CPXM2: variants seen among roughly 807,000 people sequenced by gnomAD.
CPXM2 encodes carboxypeptidase X, M14 family member 2, also known as inactive carboxypeptidase-like protein X2.
Under a neutral mutation model 86.1 loss-of-function variants are expected in CPXM2, and 66 were observed. That is an observed-to-expected ratio of 0.77 (90% confidence interval 0.63 to 0.94). CPXM2 has a LOEUF of 0.94. Among genes scored for constraint, CPXM2 ranks in the 40% least tolerant of loss-of-function variants. The pLI, the probability that CPXM2 is intolerant of heterozygous loss-of-function variation, is 0.00. For synonymous variants in CPXM2, 388 were observed against 400.2 expected (o/e 0.97, Z 0.36); for missense variants, 948 against 1,026.3 (o/e 0.92, Z 1.04).
chr10:123,891,666 TC>T lies in CPXM2; in HGVS notation c.-8del, dbSNP rs567021693. The T allele has an allele frequency of 3.4e-4, 467 of 1,386,776 alleles. 2 individuals carry two copies. In the African/African-American group the frequency reaches 6.5e-3, roughly 19 times the overall value. The allele number at this position is 1,386,776 out of a possible 1,614,324, so 85.9% of individuals were successfully genotyped here. On this transcript the variant is annotated 5_prime_UTR_variant, in exon 1 of 14. Transcript: ENST00000241305. The surrounding 1 kb of genome is among the most constrained non-coding windows in gnomAD (Gnocchi z 5.6). ...CGGTCCCCGGGCGGGACATGCCTGC[TC>T]CGCCCCGCGCCCAGGGCAGGGTCAC...
chr10:123,761,982 G>A lies in CPXM2; in HGVS notation c.1667C>T (p.Ala556Val). ...HVFRWLAYSY[A>V]STHRLMTDAR... ...GTCTGTCATGAGGCGGTGTGTGGAG[G>A]CATAGGAGTAGGCCAGCCAGCGGAA... The change falls in exon 11 of 14, where the codon GCC becomes GTC. Residue 556 changes from alanine (A) to valine (V), a missense_variant. Physicochemically the swap from Ala to Val is moderately conservative, Grantham distance 64. Transcript: ENST00000241305. 6.2e-7 allele frequency: 1 copy of A among 1,613,838 alleles called. No individual in the cohort carries two copies. The highest frequency in any genetic ancestry group is 8.5e-7 in the Non-Finnish European group (1 of 1,179,834).
intron 4 of CPXM2, among the ~76,000 whole-genome samples, chr10:123,814,842 A>G (rs565127171): frequency 1.5e-3 from 224 of 152,122 alleles, no homozygotes; most frequent in Admixed American, 3.9e-3. Flanking sequence ...TGGCCAACAT[A>G]GCAAAACCCC....
chr10:123,793,895 C>CA (rs1847265199), intron 6 of CPXM2, among the ~76,000 whole-genome samples: 1 of 152,210 alleles, frequency 6.6e-6, no homozygotes, highest in Admixed American at 6.5e-5. Flanking sequence ...CATGGTGACC[C>CA]AACAGAGCAA....
chr10:123,915,528 A>C (rs1172637795), intron 2 of CPXM2, among the ~76,000 whole-genome samples: 1 of 152,040 alleles, frequency 6.6e-6, no homozygotes, highest in Non-Finnish European at 1.5e-5. Context: ...ACTGCAGTAC[A>C]GCCTGGGCAA....
intron 4 of CPXM2, among the ~76,000 whole-genome samples, chr10:123,803,450 C>G (rs557722787): frequency 6.6e-6 from 1 of 151,930 alleles, no homozygotes; most frequent in African/African-American, 2.4e-5. Flanking sequence ...TTAATATAAT[C>G]CAATCTTAGC....
rs34482126 is a variant in CPXM2 at position 123,867,527 on chromosome 10, CTTTTT to C, written c.404-4809_404-4805del. On this transcript the variant is annotated intron_variant, in intron 2 of 13. Coordinates refer to ENST00000241305, the MANE Select transcript of CPXM2 (RefSeq NM_198148.3). ...AGAGCGTCATCCTAGAGATTTCTTT[CTTTTT>C]TTTTTTTTTTTTTTTTTTGAGAAGG... Among the ~76,000 whole-genome samples the C allele has an allele frequency of 1.6e-4, 15 of 92,924 alleles. 1 individual carries two copies. The highest frequency in any genetic ancestry group is 5.5e-4 in the African/African-American group (13 of 23,788). 61.0% of individuals were successfully genotyped at this position (92,924 alleles called of 152,430 possible).
At chr10:123,888,326 T>A (rs1039130505) in intron 1 of CPXM2, among the ~76,000 whole-genome samples, 5 of 152,216 alleles carry the variant, frequency 3.3e-5, no homozygotes, top group Admixed American at 3.3e-4. Flanking sequence ...TTTTAATTAG[T>A]TATATATGCT....
At chr10:123,859,118 CA>C (rs1206791070) in intron 3 of CPXM2, among the ~76,000 whole-genome samples, 4 of 152,348 alleles carry the variant, frequency 2.6e-5, no homozygotes, top group Admixed American at 2.6e-4. Flanking sequence ...TAGGCCGGCA[CA>C]GCGCTAGGCT....
At chr10:123,802,539 T>C (rs1040424367) in intron 4 of CPXM2, among the ~76,000 whole-genome samples, 3 of 152,366 alleles carry the variant, frequency 2.0e-5, no homozygotes, top group African/African-American at 7.2e-5. Flanking sequence ...ACAATTTATT[T>C]ATCCATTTTA....
chr10:123,774,948 C>T (rs142416342), intron 7 of CPXM2, among the ~76,000 whole-genome samples: 3 of 152,308 alleles, frequency 2.0e-5, no homozygotes, highest in Admixed American at 6.5e-5. Context: ...AGGAACAATA[C>T]GTTCCATTTC....
At position 123,865,789 on chromosome 10, in the gene CPXM2, CT is replaced by C. The variant is rs1222456668; in HGVS notation, c.404-3067del. ...TCGCCCAGCTTCTGAGTTATGGGTT[CT>C]TCCAACTGCCTCCTCCTGGCCAACC... On this transcript the variant is annotated intron_variant, in intron 2 of 13. Coordinates refer to ENST00000241305, the MANE Select transcript of CPXM2 (RefSeq NM_198148.3). This position sits in a 1 kb window ranked among gnomAD's most constrained non-coding sequence, Gnocchi z 4.7. 2.6e-5 allele frequency among the ~76,000 whole-genome samples: 4 copies of C among 152,154 alleles called. No individual in the cohort carries two copies. The highest frequency in any genetic ancestry group is 5.9e-5 in the Non-Finnish European group (4 of 68,018).
chr10:123,912,974 A>G (rs554826679), intron 2 of CPXM2, among the ~76,000 whole-genome samples: 64 of 152,338 alleles, frequency 4.2e-4, no homozygotes, highest in African/African-American at 1.4e-3. Flanking sequence ...CCACACGGGT[A>G]GTTCTCTGCT....
intron 3 of CPXM2, among the ~76,000 whole-genome samples, chr10:123,856,198 G>A (rs145132693): frequency 4.5e-4 from 68 of 152,282 alleles, no homozygotes; most frequent in African/African-American, 1.5e-3. Flanking sequence ...GTGACATCCT[G>A]AGTCCCAACC....
intron 2 of CPXM2, among the ~76,000 whole-genome samples, chr10:123,906,207 G>C (rs1945438825): frequency 6.6e-6 from 1 of 152,194 alleles, no homozygotes; most frequent in Non-Finnish European, 1.5e-5. Flanking sequence ...GGGCAACATG[G>C]GCACACTACA....
At position 123,854,396 on chromosome 10, in the gene CPXM2, TATATATATA is replaced by T. The variant is rs1564799050; in HGVS notation, c.513+8209_513+8217del. ...TATAATATATATATAATATATATAT[TATATATATA>T]TTATATATAAAATATATAATATATA... is the stretch of plus-strand genomic sequence containing the variant. On this transcript the variant is annotated intron_variant, in intron 3 of 13. Coordinates refer to ENST00000241305, the MANE Select transcript of CPXM2 (RefSeq NM_198148.3). 4.5e-3 allele frequency among the ~76,000 whole-genome samples: 520 copies of T among 116,454 alleles called. 6 individuals are homozygous for T. The highest frequency in any genetic ancestry group is 0.018 in the African/African-American group (491 of 27,792). The allele number at this position is 116,454 out of a possible 152,430, so 76.4% of individuals were successfully genotyped here.
At chr10:123,907,679 A>G (rs1254109147) in intron 2 of CPXM2, among the ~76,000 whole-genome samples, 1 of 131,822 alleles carries the variant, frequency 7.6e-6, no homozygotes. Flanking sequence ...TTACAGAAAC[A>G]TAGATGCCCC....
intron 6 of CPXM2, among the ~76,000 whole-genome samples, chr10:123,787,087 G>A (rs1847077055): frequency 6.6e-6 from 1 of 152,208 alleles, no homozygotes; most frequent in South Asian, 2.1e-4. Flanking sequence ...ATCCCTCAGA[G>A]GAGGTTGGCT....
rs1467928318 is a variant in CPXM2 at position 123,891,321 on chromosome 10, C to T, written c.304+35G>A. The T allele has an allele frequency of 2.8e-6, 4 of 1,446,226 alleles. No homozygotes were observed. In the South Asian group the frequency reaches 5.8e-5, roughly 21 times the overall value. 89.6% of individuals were successfully genotyped at this position (1,446,226 alleles called of 1,614,324 possible). A position where few individuals can be genotyped will look rare whatever the true frequency, so the allele number is the denominator to read the frequency against. ...CCCTGGAGGCGCGCAACCACCGGCG[C>T]CCCCTCGGGCTGCCCAGCGCAGAAA... On this transcript the variant is annotated intron_variant, in intron 1 of 13. Transcript: ENST00000241305. This position sits in a 1 kb window ranked among gnomAD's most constrained non-coding sequence, Gnocchi z 5.6.
intron 13 of CPXM2, chr10:123,751,947 C>G: frequency 1.0e-6 from 1 of 985,286 alleles, no homozygotes; most frequent in South Asian, 4.7e-5. Flanking sequence ...AACTCAGCAC[C>G]CATTAGGCAA....
Sources: gnomAD v4.1 joint callset for allele counts (sites outside exome capture counted in the v4.1 genomes callset) on GRCh38, gnomAD v4.1.1 for gene constraint, Gnocchi (gnomAD v3.1) non-coding constraint, MANE v1.5 for transcripts, NCBI Gene and HGNC (gene_info 2026-07-23, HGNC 2026-07-21) for gene names.